NUCB1: variants seen among roughly 807,000 people sequenced by gnomAD.
NUCB1 encodes nucleobindin 1.
NUCB1 carries 47 observed loss-of-function variants against 61.2 expected under a neutral mutation model. The observed-to-expected ratio is 0.77, with a 90% CI of 0.61 to 0.98. The LOEUF (loss-of-function observed/expected upper bound fraction) is 0.98. Among genes scored for constraint, NUCB1 ranks in the 50% least tolerant of loss-of-function variants. The pLI is 0.00. For synonymous variants in NUCB1, 234 were observed against 243.1 expected, an observed-to-expected ratio of 0.96 and a Z score of 0.35; for missense variants, 583 against 605.3, an observed-to-expected ratio of 0.96 and a Z score of 0.39.
At chr19:48,900,996 C>T in intron 2 of NUCB1, 65 bp downstream of exon 2, 1 of 1,596,468 alleles carries the variant, frequency 6.3e-7, no homozygotes, top group South Asian at 1.1e-5. Context: ...CTGCAGACCC[C>T]GGTGCCCGTA....
chr19:48,907,713 T>C (rs10417068), intron 4 of NUCB1, among the ~76,000 whole-genome samples: 73,895 of 152,068 alleles, frequency 0.49, 20,979 homozygotes, highest in African/African-American at 0.8. Context: ...ACCCAGGCTC[T>C]TCCCGTCCCT....
intron 4 of NUCB1, 150 bp downstream of exon 4, chr19:48,906,035 GT>G: frequency 1.4e-6 from 1 of 699,766 alleles, no homozygotes; most frequent in East Asian, 2.7e-5. Flanking sequence ...TTGCCCCAGT[GT>G]TCCTCCCAGC....
chr19:48,908,711 TTGACCAAG>T (rs2037439052), intron 4 of NUCB1, among the ~76,000 whole-genome samples: 2 of 97,918 alleles, frequency 2.0e-5, no homozygotes, highest in African/African-American at 8.4e-5. Context: ...TTCTGCCCAC[TTGACCAAG>T]GGGTGTGTGT....
In NUCB1 at chr19:48,921,044, C is replaced by A. The variant is rs538364046; in HGVS notation, c.1003-110C>A. On this transcript the variant is annotated intron_variant, in intron 10 of 12. Transcript: ENST00000405315. ...TGGGCTTCTTTGCCCACCCACATGGCCCTGGCCTCCCAGCCTCCTCTACAC... is the reference window on the plus strand; with the variant it reads ...TGGGCTTCTTTGCCCACCCACATGGACCTGGCCTCCCAGCCTCCTCTACAC... 5.9e-5 allele frequency: 73 copies of A among 1,236,166 alleles called. No individual in the cohort carries two copies. The South Asian group carries it at 8.8e-4, about 15-fold the overall frequency. The allele number at this position is 1,236,166 out of a possible 1,614,324, so 76.6% of individuals were successfully genotyped here. A position where few individuals can be genotyped will look rare whatever the true frequency, so the allele number is the denominator to read the frequency against.
intron 7 of NUCB1, among the ~76,000 whole-genome samples, chr19:48,915,299 CA>C: frequency 6.6e-6 from 1 of 150,812 alleles, no homozygotes; most frequent in East Asian, 2.0e-4. Context: ...GCCAACATGG[CA>C]AAACCCAGTC....
At chr19:48,920,883 G>A (rs1334324206) in intron 10 of NUCB1, among the ~76,000 whole-genome samples, 5 of 152,160 alleles carry the variant, frequency 3.3e-5, no homozygotes, top group Admixed American at 6.5e-5. Context: ...GTCTCGCTCC[G>A]TTGCCCAGGC....
In NUCB1 at chr19:48,919,141, G is replaced by C; in HGVS notation, c.909+19G>C. ...GAAGAATGTGAGGTGGGGGCCAGGC[G>C]GGGGAGAGGACGGGCCCCCAGCTCT... On this transcript the variant is annotated intron_variant, in intron 9 of 12. Coordinates refer to ENST00000405315, the MANE Select transcript of NUCB1 (RefSeq NM_006184.6). The C allele has an allele frequency of 1.2e-6, 2 of 1,613,582 alleles. No homozygotes were observed. The highest frequency in any genetic ancestry group is 1.7e-6 in the Non-Finnish European group (2 of 1,179,566).
chr19:48,919,044 C>A lies in NUCB1; in HGVS notation c.831C>A (p.Tyr277Ter). ...ALFTKELEKVYDPKNEEDDMR... is the reference protein window; with the variant it reads ...ALFTKELEKV ...TGCTCCTGCAGCTGGAGAAAGTGTA[C>A]GACCCAAAGAATGAGGAGGACGACA... Residue 277 changes from tyrosine (Y) to a stop codon, truncating the protein, a stop_gained, in exon 9 of 13, where the codon TAC becomes TAA. Coordinates refer to ENST00000405315, the MANE Select transcript of NUCB1 (RefSeq NM_006184.6). LOFTEE classifies it high-confidence loss of function. 2 of 1,613,822 alleles carry A rather than the reference C, an allele frequency of 1.2e-6. No homozygotes were observed. Among genetic ancestry groups the A allele is most frequent in the African/African-American group, 2.7e-5 (2 of 75,026 alleles).
Position 48,922,358 on chromosome 19 carries a change from G to T in NUCB1, c.1320G>T (p.Glu440Asp), listed in dbSNP as rs145138180. 6.2e-7 allele frequency: 1 copy of T among 1,613,748 alleles called. No individual in the cohort carries two copies. Among genetic ancestry groups the T allele is most frequent in the Non-Finnish European group, 8.5e-7 (1 of 1,179,846 alleles). Residue 440 changes from glutamate to aspartate, a missense_variant, in exon 13 of 13, where the codon GAG (glutamate) becomes GAT (aspartate). Transcript: ENST00000405315. ...PVPAPAGDQKEVDTSEKKLLE... is the reference protein window; with the variant it reads ...PVPAPAGDQKDVDTSEKKLLE... ...CAGCTCCAGCCGGTGACCAGAAGGA[G>T]GTGGACACTTCAGAAAAGAAACTTC...
intron 4 of NUCB1, among the ~76,000 whole-genome samples, chr19:48,909,935 A>G (rs1037302974): frequency 1.3e-5 from 2 of 152,176 alleles, no homozygotes; most frequent in Admixed American, 1.3e-4. Flanking sequence ...GTAAAGACCT[A>G]GTCTCCAAAT....
At position 48,911,216 on chromosome 19, in the gene NUCB1, A is replaced by G. The variant is rs1203862096; in HGVS notation, c.444A>G (p.Thr148=). The change falls in exon 5 of 13, where the codon ACA becomes ACG. Residue 148 remains threonine, a synonymous_variant. Coordinates refer to ENST00000405315, the MANE Select transcript of NUCB1 (RefSeq NM_006184.6). The stretch of plus-strand genomic sequence containing the variant: ...ACCTGGACCCTCAGAACCAGCATAC[A>G]TTCGAGGCCCGCGACCTGGAGCTGC... ...FEHLDPQNQH[T]FEARDLELLI... 2 of 1,613,716 alleles carry G rather than the reference A, an allele frequency of 1.2e-6. No homozygotes were observed. The highest frequency in any genetic ancestry group is 1.7e-6 in the Non-Finnish European group (2 of 1,179,826).
chr19:48,913,472 A>G lies in NUCB1; in HGVS notation c.667-2A>G, dbSNP rs755562308. The G allele has an allele frequency of 1.9e-6, 3 of 1,613,904 alleles. No homozygotes were observed. The highest frequency in any genetic ancestry group is 2.5e-6 in the Non-Finnish European group (3 of 1,179,790). On this transcript the variant is annotated splice_acceptor_variant, in intron 6 of 12. Coordinates refer to ENST00000405315, the MANE Select transcript of NUCB1 (RefSeq NM_006184.6). LOFTEE classifies it high-confidence loss of function. The stretch of plus-strand genomic sequence containing the variant: ...ATGAGCTCCTGGCTCTCCCCTCCAC[A>G]GGGCAGCCAAGCCCAGTTGAAGGAG...
chr19:48,902,248 C>T (rs2037359544), intron 2 of NUCB1, among the ~76,000 whole-genome samples: 1 of 151,930 alleles, frequency 6.6e-6, no homozygotes, highest in African/African-American at 2.4e-5. Flanking sequence ...GTAGCTGGGA[C>T]TACAGGCGCA....
intron 5 of NUCB1, among the ~76,000 whole-genome samples, chr19:48,912,009 T>C (rs2037479208): frequency 6.8e-6 from 1 of 146,382 alleles, no homozygotes; most frequent in African/African-American, 2.6e-5. Flanking sequence ...CTTTTTTTGG[T>C]TTATTTTTAC....
intron 12 of NUCB1, 131 bp from the exon 13 acceptor site, chr19:48,922,187 C>T: frequency 1.3e-6 from 1 of 751,472 alleles, no homozygotes; most frequent in Non-Finnish European, 2.2e-6. Context: ...GGGGCTGGAC[C>T]CCTGGGTGTG....
rs548679847 is a variant in NUCB1 at position 48,910,722 on chromosome 19, T to C, written c.377-427T>C. 7.3e-5 allele frequency among the ~76,000 whole-genome samples: 11 copies of C among 151,342 alleles called. No homozygotes were observed. In the South Asian group the frequency reaches 1.7e-3, roughly 23 times the overall value. On this transcript the variant is annotated intron_variant, in intron 4 of 12. Coordinates refer to ENST00000405315, the MANE Select transcript of NUCB1 (RefSeq NM_006184.6). ...GAAAAAAAGAAATGGTTGAGTGTCA[T>C]GGTTTTTGGATGTCCAATGGCTGGT...
chr19:48,900,708 G>T, intron 1 of NUCB1, 78 bp from the exon 2 acceptor site: 1 of 1,533,216 alleles, frequency 6.5e-7, no homozygotes. Flanking sequence ...CGGCGCTGGG[G>T]GCCCGAACTC....
chr19:48,903,938 ATGGATGGATGAG>A (rs2037384480), intron 2 of NUCB1, among the ~76,000 whole-genome samples: 1 of 129,454 alleles, frequency 7.7e-6, no homozygotes, highest in Non-Finnish European at 1.6e-5. Context: ...GGGTGGGTGG[ATGGATGGATGAG>A]TGGATGGATG....
intron 4 of NUCB1, among the ~76,000 whole-genome samples, chr19:48,908,721 G>GGGGTGTGTGTGT (rs1555791416): frequency 1.8e-5 from 2 of 109,328 alleles, no homozygotes; most frequent in Admixed American, 9.9e-5. Flanking sequence ...TTGACCAAGG[G>GGGGTGTGTGTGT]GTGTGTGTGT....
Sources: gnomAD v4.1 joint callset for allele counts (sites outside exome capture counted in the v4.1 genomes callset) on GRCh38, gnomAD v4.1.1 for gene constraint, MANE v1.5 for transcripts, NCBI Gene and HGNC (gene_info 2026-07-23, HGNC 2026-07-21) for gene names.